PDK1: variants seen among roughly 807,000 people sequenced by gnomAD.
PDK1 encodes [Pyruvate dehydrogenase (acetyl-transferring)] kinase isozyme 1, mitochondrial.
PDK1 carries 39 observed loss-of-function variants against 54.2 expected under a neutral mutation model. That is an observed-to-expected ratio of 0.72 (90% CI 0.56 to 0.94). The LOEUF (loss-of-function observed/expected upper bound fraction) is 0.94. PDK1 is among the 40% of genes least tolerant of loss of function. The pLI, the probability that PDK1 is intolerant of heterozygous loss-of-function variation, is 0.00. For missense variants in PDK1, 552 were observed against 566.0 expected, an observed-to-expected ratio of 0.98 and a Z score of 0.25; for synonymous variants, 221 against 207.1, an observed-to-expected ratio of 1.07 and a Z score of -0.58.
the PDK1 span, among the ~76,000 whole-genome samples, chr2:172,621,607 A>G: frequency 0.31 from 44,780 of 144,974 alleles, 7,886 homozygotes; most frequent in African/African-American, 0.49. Context: ...ATATATGTTT[A>G]TATATCATAT....
chr2:172,568,327 C>CAAAAAAAAA (rs11400625), intron 6 of PDK1, among the ~76,000 whole-genome samples: 12 of 57,058 alleles, frequency 2.1e-4, no homozygotes, highest in East Asian at 5.1e-4. Flanking sequence ...GACTCCGTCT[C>CAAAAAAAAA]AAAAAAAAAA....
rs1030334144 is a variant in PDK1, at chr2:172,600,008, A to G, written c.*4039A>G. On this transcript the variant is annotated 3_prime_UTR_variant, in exon 11 of 11. Transcript: ENST00000282077. ...TCAAGGGTTATTTTTTGAGAGTGGA[A>G]GTACATTTCCTGCATTTGTCACAGA... 1 of 152,238 alleles carries G rather than the reference A, an allele frequency of 6.6e-6. No individual in the cohort carries two copies. The highest frequency in any genetic ancestry group is 2.4e-5 in the African/African-American group (1 of 41,472). The allele number at this position is 152,238 out of a possible 1,614,324, so 9.4% of individuals were successfully genotyped here. A position where few individuals can be genotyped will look rare whatever the true frequency, so the allele number is the denominator to read the frequency against.
the PDK1 span, chr2:172,723,340 C>G: frequency 3.9e-5 from 6 of 152,144 alleles, no homozygotes; most frequent in African/African-American, 1.4e-4. Flanking sequence ...TGCATCCAAA[C>G]AAAATCTTAG....
rs1200266922 is a variant in PDK1 at position 172,566,850 on chromosome 2, C to T, written c.692-6C>T. On this transcript the variant is annotated splice_polypyrimidine_tract_variant and splice_region_variant and intron_variant, in intron 5 of 10. Transcript: ENST00000282077. ...TCCTTTTTTGTTTTGTTTTGATTCACACTAGATGGCTATGAAAATGCTAGG... is the reference window on the plus strand; with the variant it reads ...TCCTTTTTTGTTTTGTTTTGATTCATACTAGATGGCTATGAAAATGCTAGG... 2.5e-6 allele frequency: 4 copies of T among 1,593,716 alleles called. No homozygotes were observed. Among genetic ancestry groups the T allele is most frequent in the African/African-American group, 1.3e-5 (1 of 74,406 alleles).
the PDK1 span, among the ~76,000 whole-genome samples, chr2:172,635,425 C>CCTG: frequency 6.6e-6 from 1 of 152,154 alleles, no homozygotes; most frequent in African/African-American, 2.4e-5. Flanking sequence ...AAGTGATTCT[C>CCTG]CTGCCTCCAC....
the PDK1 span, among the ~76,000 whole-genome samples, chr2:172,618,181 CTA>C: frequency 2.6e-5 from 4 of 152,230 alleles, no homozygotes; most frequent in South Asian, 2.1e-4. Flanking sequence ...AGATGGTAGA[CTA>C]TGTAGGTAGG....
chr2:172,577,943 A>G (rs150181039), intron 8 of PDK1, among the ~76,000 whole-genome samples: 7 of 152,228 alleles, frequency 4.6e-5, no homozygotes, highest in African/African-American at 1.4e-4. Context: ...CATGGATTCA[A>G]TGTTTTGTCT....
In PDK1 at chr2:172,593,650, TATC is replaced by T. The variant is rs143033948; in HGVS notation, c.1170+605_1170+607del. Reference sequence around the variant, plus strand: ...TTGCTTATGTAATAAATTTTGTAATTATCATGACAGAATTGTACAAACAGATTT... The same window carrying T: ...TTGCTTATGTAATAAATTTTGTAATTATGACAGAATTGTACAAACAGATTT... On this transcript the variant is annotated intron_variant, in intron 10 of 10. Transcript: ENST00000282077. Among the ~76,000 whole-genome samples, 40 of 152,300 alleles carry T rather than the reference TATC, an allele frequency of 2.6e-4. No individual in the cohort carries two copies. The East Asian group carries it at 2.9e-3, about 11-fold the overall frequency.
At chr2:172,637,757 G>A in the PDK1 span, among the ~76,000 whole-genome samples, 5 of 152,128 alleles carry the variant, frequency 3.3e-5, no homozygotes, top group African/African-American at 4.8e-5. Flanking sequence ...GTGTAGTGGC[G>A]CAATCTTGGC....
chr2:172,628,292 A>G, the PDK1 span, among the ~76,000 whole-genome samples: 1 of 152,230 alleles, frequency 6.6e-6, no homozygotes, highest in Admixed American at 6.5e-5. Flanking sequence ...CTGCCAATAA[A>G]ACACTTTCTT....
chr2:172,701,568 CAGTCTGTGGTTTTCTCTTTTCAG>C, the PDK1 span, among the ~76,000 whole-genome samples: 1 of 150,920 alleles, frequency 6.6e-6, no homozygotes, highest in Non-Finnish European at 1.5e-5. Context: ...CTTGTTGGAG[CAGTCTGTGGTTTTCTCTTTTCAG>C]AGTCTGTGAG....
In PDK1 at chr2:172,593,001, C is replaced by A; in HGVS notation, c.1123C>A (p.Leu375Met). The A allele has an allele frequency of 6.2e-7, 1 of 1,611,026 alleles. No individual in the cohort carries two copies. The highest frequency in any genetic ancestry group is 1.3e-5 in the African/African-American group (1 of 74,952). The change falls in exon 10 of 11, where the codon CTG becomes ATG. Residue 375 changes from leucine to methionine, a missense_variant. Transcript: ENST00000282077. ...ACAATACTTCCAAGGAGACCTGAAG[C>A]TGTATTCCCTAGAGGGTTACGGGAC... ...YAQYFQGDLK[L>M]YSLEGYGTDA...
the PDK1 span, among the ~76,000 whole-genome samples, chr2:172,676,046 A>T: frequency 1.3e-5 from 2 of 152,080 alleles, no homozygotes; most frequent in Non-Finnish European, 2.9e-5. Context: ...TGTTTATATC[A>T]TGGTTAACTG....
At chr2:172,723,919 T>C in the PDK1 span, 1 of 152,220 alleles carries the variant, frequency 6.6e-6, no homozygotes, top group Non-Finnish European at 1.5e-5. Context: ...GTTCTGGCCT[T>C]ACAACTTTCC....
chr2:172,671,472 T>A, the PDK1 span, among the ~76,000 whole-genome samples: 1 of 151,034 alleles, frequency 6.6e-6, no homozygotes, highest in Non-Finnish European at 1.5e-5. Context: ...GCTTTTTTTT[T>A]AAGCTCTTAA....
chr2:172,575,320 C>A (rs186395746), intron 8 of PDK1, among the ~76,000 whole-genome samples: 1 of 152,252 alleles, frequency 6.6e-6, no homozygotes, highest in Non-Finnish European at 1.5e-5. Flanking sequence ...ATCAGGATGA[C>A]ACTGGCCTTA....
the PDK1 span, among the ~76,000 whole-genome samples, chr2:172,676,363 T>C: frequency 2.2e-4 from 33 of 152,310 alleles, no homozygotes; most frequent in Non-Finnish European, 3.8e-4. Flanking sequence ...TTCACTATTC[T>C]AGGTGCCATT....
the PDK1 span, among the ~76,000 whole-genome samples, chr2:172,642,685 A>G: frequency 0.075 from 11,399 of 152,192 alleles, 1,063 homozygotes; most frequent in African/African-American, 0.22. Flanking sequence ...GGCCGGTCCC[A>G]TCCTCAAGTG....
chr2:172,682,557 T>C, the PDK1 span, among the ~76,000 whole-genome samples: 1 of 152,192 alleles, frequency 6.6e-6, no homozygotes, highest in Non-Finnish European at 1.5e-5. Flanking sequence ...CCTGTCCTCC[T>C]CTGCATGCAG....
Sources: allele counts gnomAD v4.1 joint callset (sites outside exome capture counted in the v4.1 genomes callset), GRCh38; gene constraint gnomAD v4.1.1; transcripts MANE v1.5; gene names NCBI Gene and HGNC (gene_info 2026-07-23, HGNC 2026-07-21).